INSL6: variants seen among roughly 807,000 people sequenced by gnomAD.
The protein encoded by INSL6 is insulin-like peptide INSL6.
INSL6 carries 16 observed loss-of-function variants against 9.4 expected under a neutral mutation model. The ratio of observed to expected loss-of-function variants is 1.70; its 90% CI spans 1.15 to 2.59. The LOEUF is 2.59. Among genes scored for constraint, INSL6 ranks in the 30% most tolerant of loss-of-function variants. The pLI, the probability that INSL6 is intolerant of heterozygous loss-of-function variation, is 0.00. For synonymous variants in INSL6, 154 were observed against 96.9 expected, an observed-to-expected ratio of 1.59 and a Z score of -3.46; for missense variants, 391 against 257.3, an observed-to-expected ratio of 1.52 and a Z score of -3.56.
At chr9:5,091,004 A>G in the INSL6 span, 1 of 952,232 alleles carries the variant, frequency 1.1e-6, no homozygotes, top group Non-Finnish European at 1.6e-6. Flanking sequence ...CTATATTTAC[A>G]GTAACAGTGA....
chr9:5,138,963 A>G (rs376672408), intron 2 of INSL6, among the ~76,000 whole-genome samples: 15 of 152,284 alleles, frequency 9.9e-5, no homozygotes, highest in African/African-American at 3.4e-4. Context: ...AATATGCACC[A>G]TGTTAAAAAA....
At chr9:5,081,392 T>G in the INSL6 span, among the ~76,000 whole-genome samples, 4 of 152,192 alleles carry the variant, frequency 2.6e-5, no homozygotes, top group Non-Finnish European at 5.9e-5. Flanking sequence ...AATACTGAGC[T>G]GAAATGCATG....
At chr9:5,109,209 A>G in the INSL6 span, 2 of 152,184 alleles carry the variant, frequency 1.3e-5, no homozygotes, top group South Asian at 2.1e-4. Flanking sequence ...CTTCCTTTAC[A>G]CGAGAAAATA....
chr9:5,141,966 A>C (rs1299430510), intron 2 of INSL6, among the ~76,000 whole-genome samples: 1 of 152,224 alleles, frequency 6.6e-6, no homozygotes, highest in African/African-American at 2.4e-5. Flanking sequence ...GATTTATTGA[A>C]TAGGTAATCC....
the INSL6 span, chr9:5,064,757 G>T: frequency 1.7e-6 from 1 of 601,604 alleles, no homozygotes; most frequent in Non-Finnish European, 2.8e-6. Flanking sequence ...ATTGAGTACT[G>T]AGCCATAAAA....
chr9:5,166,140 T>A (rs1464748633), intron 1 of INSL6, among the ~76,000 whole-genome samples: 1 of 152,200 alleles, frequency 6.6e-6, no homozygotes, highest in Admixed American at 6.5e-5. Context: ...CATGACAAGC[T>A]AAAGTCATAA....
At chr9:5,092,601 G>C in the INSL6 span, among the ~76,000 whole-genome samples, 1 of 152,102 alleles carries the variant, frequency 6.6e-6, no homozygotes, top group Non-Finnish European at 1.5e-5. Context: ...TACCGTAAGG[G>C]AAAGATGAAA....
the INSL6 span, among the ~76,000 whole-genome samples, chr9:5,012,813 A>G: frequency 1.3e-5 from 2 of 152,230 alleles, no homozygotes; most frequent in Admixed American, 1.3e-4. Context: ...AGAGGTAAGC[A>G]GCAAACAGAT....
the INSL6 span, among the ~76,000 whole-genome samples, chr9:5,035,398 C>T: frequency 6.6e-6 from 1 of 152,170 alleles, no homozygotes. Context: ...CCAGCATCAT[C>T]CTGATACCAA....
the INSL6 span, among the ~76,000 whole-genome samples, chr9:5,004,914 T>C: frequency 6.8e-6 from 1 of 146,774 alleles, no homozygotes; most frequent in Non-Finnish European, 1.5e-5. Context: ...CATTTACATA[T>C]TGTCTTTTTT....
chr9:5,133,750 A>T (rs570698477), intron 2 of INSL6, among the ~76,000 whole-genome samples: 1 of 152,154 alleles, frequency 6.6e-6, no homozygotes, highest in Admixed American at 6.5e-5. Flanking sequence ...AACCAGCAAG[A>T]AAAGGGTGAA....
chr9:5,126,267 G>A (rs1823988939), intron 3 of INSL6: 2 of 1,157,186 alleles, frequency 1.7e-6, no homozygotes, highest in Non-Finnish European at 1.3e-6. Context: ...TTGACTGGAG[G>A]AAATTGAGAA....
At chr9:5,105,379 G>A in the INSL6 span, among the ~76,000 whole-genome samples, 16 of 152,098 alleles carry the variant, frequency 1.1e-4, no homozygotes, top group African/African-American at 3.9e-4. Context: ...ACCTCTTCAA[G>A]GAAAACTACA....
chr9:5,103,055 A>T, the INSL6 span, among the ~76,000 whole-genome samples: 1 of 151,974 alleles, frequency 6.6e-6, no homozygotes, highest in African/African-American at 2.4e-5. Flanking sequence ...TATTAACCTT[A>T]AATGTAAATG....
chr9:5,070,077 G>A, the INSL6 span: 1 of 1,537,342 alleles, frequency 6.5e-7, no homozygotes, highest in Non-Finnish European at 8.9e-7. Flanking sequence ...ACTCATTACT[G>A]TCTTTTTTGT....
intron 1 of INSL6, among the ~76,000 whole-genome samples, chr9:5,179,760 A>G (rs1010315467): frequency 6.6e-5 from 10 of 152,160 alleles, no homozygotes; most frequent in African/African-American, 2.2e-4. Context: ...ACCAAACACC[A>G]CATGTTCTCA....
At chr9:5,089,905 G>A in the INSL6 span, 1 of 1,330,336 alleles carries the variant, frequency 7.5e-7, no homozygotes. Context: ...CAAGGTATGT[G>A]TTTGGCATCC....
At chr9:5,089,019 A>C in the INSL6 span, among the ~76,000 whole-genome samples, 1 of 152,212 alleles carries the variant, frequency 6.6e-6, no homozygotes, top group Non-Finnish European at 1.5e-5. Context: ...TTTTGTAAAA[A>C]AGGAAAATTC....
the INSL6 span, chr9:5,078,447 A>G: frequency 6.2e-7 from 1 of 1,609,472 alleles, no homozygotes; most frequent in Non-Finnish European, 8.5e-7. Context: ...AAAGGACAGT[A>G]AGTTCTAGAA....
Sources: gnomAD v4.1 joint callset for allele counts (sites outside exome capture counted in the v4.1 genomes callset) on GRCh38, gnomAD v4.1.1 for gene constraint, MANE v1.5 for transcripts, NCBI Gene and HGNC (gene_info 2026-07-23, HGNC 2026-07-21) for gene names.